CPSF6: variants seen among roughly 807,000 people sequenced by gnomAD.
CPSF6 encodes the protein cleavage and polyadenylation specific factor 6.
CPSF6 carries 10 observed loss-of-function variants against 56.7 expected under a neutral mutation model. That is an observed-to-expected ratio of 0.18 (90% CI 0.11 to 0.30). The LOEUF (loss-of-function observed/expected upper bound fraction) is 0.30, where lower values mean the gene tolerates loss of function less well. CPSF6 is among the 10% of genes least tolerant of loss of function. The pLI is 1.00. For synonymous variants in CPSF6, 248 were observed against 244.8 expected (o/e 1.01, Z -0.12); for missense variants, 419 against 722.9 (o/e 0.58, Z 4.82).
intron 1 of CPSF6, among the ~76,000 whole-genome samples, chr12:69,249,154 G>GT (rs1333678504): frequency 0.02 from 614 of 30,518 alleles, 151 homozygotes; most frequent in Non-Finnish European, 0.034. Flanking sequence ...CAGCTACTCG[G>GT]GGGGGGGGGG....
intron 3 of CPSF6, among the ~76,000 whole-genome samples, chr12:69,253,542 A>C (rs937391102): frequency 3.3e-5 from 5 of 152,196 alleles, no homozygotes; most frequent in African/African-American, 1.2e-4. Context: ...ACTAAACTAT[A>C]CAAGTGGGAT....
At position 69,259,436 on chromosome 12, in the gene CPSF6, A is replaced by G; in HGVS notation, c.1208A>G (p.Asp403Gly). The G allele has an allele frequency of 6.2e-7, 1 of 1,612,026 alleles. No homozygotes were observed. Among genetic ancestry groups the G allele is most frequent in the South Asian group, 1.1e-5 (1 of 90,654 alleles). Residue 403 changes from aspartate (D) to glycine (G), a missense_variant, in exon 7 of 10, where the codon GAT becomes GGT. Transcript: ENST00000435070. ...GDYGPPGREM[D>G]TARTPLSEAE... Reference sequence around the variant, plus strand: ...ATGTTTTTGTTTTACAGGGAAATGGATACTGCAAGAACGCCATTGAGTGAA... The same window carrying G: ...ATGTTTTTGTTTTACAGGGAAATGGGTACTGCAAGAACGCCATTGAGTGAA...
rs777340977 is a variant in CPSF6, at chr12:69,257,845, C to G, written c.634C>G (p.Pro212Ala). ...ACGGGGCCGTTTTCCAGGGGCTGTT[C>G]CTGGTGGGGACAGATTTCCTGGGCC... ...RGRGRFPGAVPGGDRFPGPAG... is the reference protein window; with the variant it reads ...RGRGRFPGAVAGGDRFPGPAG... Residue 212 changes from proline to alanine, a missense_variant, in exon 5 of 10, where the codon CCT (proline) becomes GCT (alanine). Around this residue, in one of 4 missense-constraint regions of CPSF6, gnomAD observed 211 missense variants for 296.0 expected, o/e 0.71. Transcript: ENST00000435070. 5 of 1,612,182 alleles carry G rather than the reference C, an allele frequency of 3.1e-6. No homozygotes were observed. Among genetic ancestry groups the G allele is most frequent in the East Asian group, 2.2e-5 (1 of 44,884 alleles).
chr12:69,246,800 T>G (rs550614204), intron 1 of CPSF6, among the ~76,000 whole-genome samples: 2 of 152,194 alleles, frequency 1.3e-5, no homozygotes, highest in Non-Finnish European at 2.9e-5. Context: ...TTACTGATAG[T>G]ATCATATAAT....
intron 1 of CPSF6, among the ~76,000 whole-genome samples, chr12:69,245,899 A>T (rs111532166): frequency 6.6e-6 from 1 of 152,156 alleles, no homozygotes; most frequent in Non-Finnish European, 1.5e-5. Flanking sequence ...CTGCCTGGCC[A>T]ACATGGCGAA....
chr12:69,242,036 A>G (rs1156611647), intron 1 of CPSF6, among the ~76,000 whole-genome samples: 1 of 152,126 alleles, frequency 6.6e-6, no homozygotes, highest in Admixed American at 6.5e-5. Context: ...TACCAGAATT[A>G]GAGGCAACCA....
At chr12:69,252,805 C>T (rs888765158) in intron 2 of CPSF6, among the ~76,000 whole-genome samples, 6 of 152,138 alleles carry the variant, frequency 3.9e-5, no homozygotes, top group African/African-American at 1.4e-4. Flanking sequence ...AGAGTCAAAT[C>T]TTATTGTAAC....
At chr12:69,246,721 C>A (rs34173894) in intron 1 of CPSF6, among the ~76,000 whole-genome samples, 2 of 152,132 alleles carry the variant, frequency 1.3e-5, no homozygotes, top group African/African-American at 4.8e-5. Context: ...TAACTTCCCC[C>A]CTTCATATAT....
intron 1 of CPSF6, among the ~76,000 whole-genome samples, chr12:69,241,620 A>G (rs1436856856): frequency 1.3e-5 from 2 of 152,178 alleles, no homozygotes; most frequent in Non-Finnish European, 2.9e-5. Flanking sequence ...AGCTGGGTGG[A>G]TTCTTATCCC....
intron 9 of CPSF6, among the ~76,000 whole-genome samples, chr12:69,267,694 T>G (rs1873057748): frequency 6.6e-6 from 1 of 151,876 alleles, no homozygotes; most frequent in Non-Finnish European, 1.5e-5. Context: ...TCCAAGTGCA[T>G]AAAATGTAAA....
At chr12:69,264,005 T>G (rs1052458132) in intron 9 of CPSF6, among the ~76,000 whole-genome samples, 13 of 152,076 alleles carry the variant, frequency 8.5e-5, no homozygotes, top group African/African-American at 3.1e-4. Flanking sequence ...TTATTGAAAT[T>G]GATATTGTTT....
chr12:69,249,441 G>C (rs1249789820), intron 1 of CPSF6, among the ~76,000 whole-genome samples: 1 of 151,798 alleles, frequency 6.6e-6, no homozygotes, highest in Non-Finnish European at 1.5e-5. Flanking sequence ...TCCATTTAGG[G>C]ACTATTTTGG....
Position 69,272,783 on chromosome 12 carries a change from C to T in CPSF6, c.*3275C>T, listed in dbSNP as rs962659794. The T allele has an allele frequency of 2.6e-5, 4 of 155,996 alleles. No individual in the cohort carries two copies. The highest frequency in any genetic ancestry group is 5.7e-5 in the Non-Finnish European group (4 of 70,274). The allele number at this position is 155,996 out of a possible 1,614,324, so 9.7% of individuals were successfully genotyped here. ...CTAGTTGTATGTACGTAAATGCACGCTTATCCAGTGTATATTAGACATTTT... is the reference window on the plus strand; with the variant it reads ...CTAGTTGTATGTACGTAAATGCACGTTTATCCAGTGTATATTAGACATTTT... On this transcript the variant is annotated 3_prime_UTR_variant, in exon 10 of 10. Transcript: ENST00000435070.
intron 1 of CPSF6, among the ~76,000 whole-genome samples, chr12:69,244,489 G>A (rs995380370): frequency 2.6e-5 from 4 of 152,074 alleles, no homozygotes; most frequent in Non-Finnish European, 4.4e-5. Context: ...TTCCCAAAGC[G>A]CTGGGATTAC....
Position 69,257,894 on chromosome 12 carries a change from C to A in CPSF6, c.683C>A (p.Pro228Gln). Residue 228 changes from proline to glutamine, a missense_variant, in exon 5 of 10, where the codon CCA (proline) becomes CAA (glutamine). Pro to Gln is a moderately conservative substitution (Grantham distance 76). Transcript: ENST00000435070. Reference sequence around the variant, plus strand: ...CCAGCAGGACCAGGAGGGCCACCCCCACCTTTTCCAGGTAAAACTTTTCTT... The same window carrying A: ...CCAGCAGGACCAGGAGGGCCACCCCAACCTTTTCCAGGTAAAACTTTTCTT... Reference protein sequence around the residue: ...PGPAGPGGPPPPFPAGQTPPR... With the variant: ...PGPAGPGGPPQPFPAGQTPPR... 1 of 1,595,620 alleles carries A rather than the reference C, an allele frequency of 6.3e-7. No homozygotes were observed. Among genetic ancestry groups the A allele is most frequent in the South Asian group, 1.1e-5 (1 of 88,910 alleles).
At position 69,269,497 on chromosome 12, in the gene CPSF6, T is replaced by G. The variant is rs554879288; in HGVS notation, c.*4-15T>G. On this transcript the variant is annotated splice_polypyrimidine_tract_variant and intron_variant, in intron 9 of 9. Transcript: ENST00000435070. The stretch of plus-strand genomic sequence containing the variant: ...GAATAGCAAAATCTACATCACAAAT[T>G]TTGACACATTACAGCTGAAGGAAGA... 1 of 453,812 alleles carries G rather than the reference T, an allele frequency of 2.2e-6. No individual in the cohort carries two copies. The highest frequency in any genetic ancestry group is 4.4e-6 in the Non-Finnish European group (1 of 225,372). The allele number at this position is 453,812 out of a possible 1,614,324, so 28.1% of individuals were successfully genotyped here. A position where few individuals can be genotyped will look rare whatever the true frequency, so the allele number is the denominator to read the frequency against.
In CPSF6 at chr12:69,259,002, C is replaced by T; in HGVS notation, c.1107C>T (p.Gly369=). The stretch of plus-strand genomic sequence containing the variant: ...TCTTTCCTCCACCAACTAACAGTGG[C>T]ATGCCTACATCAGATAGCCGAGGTC... ...PAFFPPPTNS[G]MPTSDSRGPP... is the part of the protein sequence containing the mutation. Residue 369 remains glycine (G), a synonymous_variant, in exon 6 of 10, where the codon GGC becomes GGT. Coordinates refer to ENST00000435070, the MANE Select transcript of CPSF6 (RefSeq NM_007007.3). 1 of 1,612,144 alleles carries T rather than the reference C, an allele frequency of 6.2e-7. No individual in the cohort carries two copies. The highest frequency in any genetic ancestry group is 8.5e-7 in the Non-Finnish European group (1 of 1,180,014).
Position 69,273,172 on chromosome 12 carries a change from CTTCTT to C in CPSF6, c.*3666_*3670del, listed in dbSNP as rs1299677544. The C allele has an allele frequency of 5.8e-6, 3 of 516,384 alleles. No individual in the cohort carries two copies. The highest frequency in any genetic ancestry group is 3.0e-5 in the South Asian group (2 of 67,744). The allele number at this position is 516,384 out of a possible 1,614,324, so 32.0% of individuals were successfully genotyped here. On this transcript the variant is annotated 3_prime_UTR_variant, in exon 10 of 10. Coordinates refer to ENST00000435070, the MANE Select transcript of CPSF6 (RefSeq NM_007007.3). ...GCTTCTGGGAGGAAGTTCTTATACTCTTCTTTCTTGGCATTAGAAAGAAGCAATAT... is the reference window on the plus strand; with the variant it reads ...GCTTCTGGGAGGAAGTTCTTATACTCTCTTGGCATTAGAAAGAAGCAATAT...
intron 1 of CPSF6, among the ~76,000 whole-genome samples, chr12:69,249,542 G>A (rs191246971): frequency 6.8e-4 from 103 of 152,188 alleles, no homozygotes; most frequent in African/African-American, 2.4e-3. Context: ...TGTAAGTTAC[G>A]TCTGAACTTT....
Sources: gnomAD v4.1 joint callset for allele counts (sites outside exome capture counted in the v4.1 genomes callset) on GRCh38, gnomAD v4.1.1 for gene constraint, gnomAD v4.1.1 regional missense constraint, MANE v1.5 for transcripts, NCBI Gene and HGNC (gene_info 2026-07-23, HGNC 2026-07-21) for gene names.